The following NELL1 variants were observed in gnomAD, a reference collection of about 807,000 sequenced individuals.
The protein encoded by NELL1 is neural EGFL like 1.
In NELL1, 76 loss-of-function variants were observed where a neutral mutation model predicts 107.4. The observed-to-expected ratio is 0.71, with a 90% CI of 0.59 to 0.86. The LOEUF is 0.86. Ranked by LOEUF, NELL1 falls within the 40% of genes least tolerant of loss-of-function variation. The probability of loss-of-function intolerance (pLI) is 0.00; values close to 1 mark genes in which losing one functional copy is unlikely to be tolerated. For synonymous variants in NELL1, 353 were observed against 341.2 expected (o/e 1.03, Z -0.38); for missense variants, 1,024 against 1,005.5 (o/e 1.02, Z -0.25).
intron 2 of NELL1, among the ~76,000 whole-genome samples, chr11:20,688,929 C>T (rs79551909): frequency 6.6e-6 from 1 of 152,116 alleles, no homozygotes; most frequent in East Asian, 1.9e-4. Flanking sequence ...TTTGAACATC[C>T]ATTGTATTTT....
intron 5 of NELL1, among the ~76,000 whole-genome samples, chr11:20,900,349 AAGCCCAG>A (rs1264080388): frequency 6.6e-6 from 1 of 152,198 alleles, no homozygotes; most frequent in African/African-American, 2.4e-5. Context: ...AGCAAGTTAC[AAGCCCAG>A]CTTAGATTCA....
intron 4 of NELL1, among the ~76,000 whole-genome samples, chr11:20,884,923 T>C (rs1849477263): frequency 6.6e-6 from 1 of 152,188 alleles, no homozygotes; most frequent in African/African-American, 2.4e-5. Context: ...CATGATCATC[T>C]AGGCAGCTGC....
intron 13 of NELL1, among the ~76,000 whole-genome samples, chr11:21,146,584 GC>G (rs1007064387): frequency 2.0e-5 from 3 of 152,222 alleles, no homozygotes; most frequent in African/African-American, 7.2e-5. Flanking sequence ...TTATCTGGAA[GC>G]CAGCCAACAG....
At chr11:20,818,758 G>A (rs949096857) in intron 3 of NELL1, among the ~76,000 whole-genome samples, 13 of 152,254 alleles carry the variant, frequency 8.5e-5, no homozygotes, top group Non-Finnish European at 1.2e-4. Context: ...CATGTAAGCC[G>A]CCCTTAGAAA....
chr11:20,708,771 T>C (rs913702363), intron 2 of NELL1, among the ~76,000 whole-genome samples: 3 of 152,158 alleles, frequency 2.0e-5, no homozygotes, highest in Non-Finnish European at 2.9e-5. Flanking sequence ...TGCTTTCAGA[T>C]TCTTGGTCAT....
intron 14 of NELL1, among the ~76,000 whole-genome samples, chr11:21,332,690 T>A (rs1850298683): frequency 6.6e-6 from 1 of 152,046 alleles, no homozygotes; most frequent in Admixed American, 6.6e-5. Flanking sequence ...AAATTTTGAT[T>A]TTTGTCTGTT....
At chr11:21,092,657 T>G (rs969526847) in intron 12 of NELL1, among the ~76,000 whole-genome samples, 5 of 152,012 alleles carry the variant, frequency 3.3e-5, no homozygotes, top group African/African-American at 1.2e-4. Context: ...AAAAATCCAG[T>G]GAGGGTATTT....
chr11:21,480,733 C>T (rs895905304), intron 15 of NELL1, among the ~76,000 whole-genome samples: 8 of 152,170 alleles, frequency 5.3e-5, no homozygotes, highest in Admixed American at 2.0e-4. Flanking sequence ...TGTGCCTAAC[C>T]AGTTGTGCCA....
chr11:21,471,228 C>T (rs1327852600), intron 15 of NELL1, among the ~76,000 whole-genome samples: 1 of 151,742 alleles, frequency 6.6e-6, no homozygotes, highest in Non-Finnish European at 1.5e-5. Flanking sequence ...TTTCAGCAGT[C>T]TTTCTCTATT....
chr11:21,214,317 AC>A, intron 13 of NELL1, among the ~76,000 whole-genome samples: 1 of 152,224 alleles, frequency 6.6e-6, no homozygotes, highest in Non-Finnish European at 1.5e-5. Flanking sequence ...AAAATGCTCA[AC>A]CTATATGTAA....
At chr11:21,570,060 G>T (rs1463089244) in intron 17 of NELL1, among the ~76,000 whole-genome samples, 1 of 151,832 alleles carries the variant, frequency 6.6e-6, no homozygotes, top group African/African-American at 2.4e-5. Context: ...AAGTGCTGCT[G>T]ACTTTCAATT....
intron 15 of NELL1, among the ~76,000 whole-genome samples, chr11:21,451,185 T>TAAA (rs35257979): frequency 3.9e-5 from 4 of 101,556 alleles, no homozygotes; most frequent in Non-Finnish European, 7.4e-5. Context: ...AGACTCCGTC[T>TAAA]AAAAAAAAAA....
intron 15 of NELL1, among the ~76,000 whole-genome samples, chr11:21,483,285 A>T (rs1335045137): frequency 6.6e-6 from 1 of 152,226 alleles, no homozygotes; most frequent in Non-Finnish European, 1.5e-5. Context: ...TCACTTTACC[A>T]TGAATATAGT....
At chr11:21,461,129 A>T (rs1428050501) in intron 15 of NELL1, among the ~76,000 whole-genome samples, 1 of 152,208 alleles carries the variant, frequency 6.6e-6, no homozygotes, top group East Asian at 1.9e-4. Context: ...TCCATAATTG[A>T]TAACAATCAC....
chr11:21,175,687 T>A (rs1195899479), intron 13 of NELL1, among the ~76,000 whole-genome samples: 1 of 151,908 alleles, frequency 6.6e-6, no homozygotes, highest in African/African-American at 2.4e-5. Flanking sequence ...GCAGCTCCGA[T>A]GCTACAGTAT....
At position 21,157,417 on chromosome 11, in the gene NELL1, T is replaced by C. The variant is rs796079890; in HGVS notation, c.1426+43703T>C. 3.9e-5 allele frequency among the ~76,000 whole-genome samples: 6 copies of C among 152,158 alleles called. No homozygotes were observed. In the South Asian group the frequency reaches 1.2e-3, roughly 32 times the overall value. On this transcript the variant is annotated intron_variant, in intron 13 of 19. Coordinates refer to ENST00000357134, the MANE Select transcript of NELL1 (RefSeq NM_006157.5). Reference sequence around the variant, plus strand: ...CAAGCATTGTGTATGAAAGCAAGTATTCAATATTTGTTGAATGAATTAAAA... The same window carrying C: ...CAAGCATTGTGTATGAAAGCAAGTACTCAATATTTGTTGAATGAATTAAAA...
intron 15 of NELL1, among the ~76,000 whole-genome samples, chr11:21,436,237 T>C (rs988344263): frequency 6.6e-6 from 1 of 152,090 alleles, no homozygotes; most frequent in African/African-American, 2.4e-5. Context: ...GTATTTTTGG[T>C]AGAGATGGGG....
intron 12 of NELL1, among the ~76,000 whole-genome samples, chr11:20,994,024 G>T (rs1039465552): frequency 5.3e-5 from 8 of 152,080 alleles, no homozygotes; most frequent in African/African-American, 1.9e-4. Context: ...ATAAACTGTG[G>T]TAATCATGTA....
At chr11:21,013,522 T>C (rs144837981) in intron 12 of NELL1, among the ~76,000 whole-genome samples, 128 of 152,270 alleles carry the variant, frequency 8.4e-4, no homozygotes, top group African/African-American at 3.0e-3. Context: ...GCTGCCTAAA[T>C]GGACTGCTGA....
Sources: gnomAD v4.1 joint callset for allele counts (sites outside exome capture counted in the v4.1 genomes callset) on GRCh38, gnomAD v4.1.1 for gene constraint, MANE v1.5 for transcripts, NCBI Gene and HGNC (gene_info 2026-07-23, HGNC 2026-07-21) for gene names.